MICU2: variants seen among roughly 807,000 people sequenced by gnomAD.
MICU2 encodes the protein calcium uptake protein 2, mitochondrial.
In MICU2, 64 loss-of-function variants were observed where a neutral mutation model predicts 60.4. The observed-to-expected ratio is 1.06, with a 90% CI of 0.87 to 1.31. The LOEUF (loss-of-function observed/expected upper bound fraction) is 1.31, where lower values mean the gene tolerates loss of function less well. Among genes scored for constraint, MICU2 ranks in the 50% most tolerant of loss-of-function variants. The probability of loss-of-function intolerance (pLI) is 0.00; values close to 1 mark genes in which losing one functional copy is unlikely to be tolerated. For missense variants in MICU2, 569 were observed against 531.0 expected (o/e 1.07, Z -0.70); for synonymous variants, 201 against 175.0 (o/e 1.15, Z -1.17).
intron 8 of MICU2, among the ~76,000 whole-genome samples, chr13:21,507,606 A>ATT (rs111726011): frequency 1.7e-4 from 24 of 142,018 alleles, no homozygotes; most frequent in Middle Eastern, 3.8e-3. Context: ...AGAAACTTAG[A>ATT]TTTTTTTTTT....
At chr13:21,528,417 C>T (rs867395660) in intron 4 of MICU2, among the ~76,000 whole-genome samples, 3 of 152,254 alleles carry the variant, frequency 2.0e-5, no homozygotes, top group Middle Eastern at 3.4e-3. Flanking sequence ...CATGTCAACT[C>T]ATGTATTTCA....
At chr13:21,580,060 A>G (rs1004699418) in intron 1 of MICU2, among the ~76,000 whole-genome samples, 5 of 152,220 alleles carry the variant, frequency 3.3e-5, no homozygotes, top group South Asian at 4.1e-4. Context: ...TACTAGAACC[A>G]GGGTCACTTT....
At chr13:21,555,970 T>C (rs921746117) in intron 2 of MICU2, among the ~76,000 whole-genome samples, 35 of 152,168 alleles carry the variant, frequency 2.3e-4, no homozygotes, top group Non-Finnish European at 4.7e-4. Context: ...TTAGAAATTT[T>C]TCATTCTTCC....
In MICU2 at chr13:21,557,100, G is replaced by A. The variant is rs141262160; in HGVS notation, c.358+9697C>T. ...GGAACAGAGAGCTTGGGAATGATGG[G>A]ATAGTTGAGACTAGAAGCTTTTATT... On this transcript the variant is annotated intron_variant, in intron 2 of 11. Coordinates refer to ENST00000382374, the MANE Select transcript of MICU2 (RefSeq NM_152726.3). Among the ~76,000 whole-genome samples, 322 of 152,310 alleles carry A rather than the reference G, an allele frequency of 2.1e-3. 1 individual carries two copies. Among genetic ancestry groups the A allele is most frequent in the African/African-American group, 7.5e-3 (312 of 41,564 alleles).
intron 4 of MICU2, among the ~76,000 whole-genome samples, chr13:21,536,308 A>G (rs1887128941): frequency 6.6e-6 from 1 of 151,450 alleles, no homozygotes. Context: ...GGAGTGTTAT[A>G]TGATAAACTT....
rs151018959 is a variant in MICU2 at position 21,599,330 on chromosome 13, A to C, written c.210+4609T>G. ...ATTTCAAAAAATGTATCAAGGCTTA[A>C]GAATGAAGCTATCCTTTTATAGCAG... On this transcript the variant is annotated intron_variant, in intron 1 of 11. Coordinates refer to ENST00000382374, the MANE Select transcript of MICU2 (RefSeq NM_152726.3). Among the ~76,000 whole-genome samples, 529 of 152,388 alleles carry C rather than the reference A, an allele frequency of 3.5e-3. 5 individuals are homozygous for C. Among genetic ancestry groups the C allele is most frequent in the African/African-American group, 0.012 (503 of 41,602 alleles).
In MICU2 at chr13:21,549,173, C is replaced by T. The variant is rs932017584; in HGVS notation, c.359-9485G>A. 5.9e-5 allele frequency among the ~76,000 whole-genome samples: 9 copies of T among 152,210 alleles called. No individual in the cohort carries two copies. In the South Asian group the frequency reaches 6.2e-4, roughly 11 times the overall value. On this transcript the variant is annotated intron_variant, in intron 2 of 11. Transcript: ENST00000382374. ...CTTGATCTCCTGACCTCGTGATCCG[C>T]CCGCCTTGGCCTCCCAACGTGCTGG...
intron 1 of MICU2, among the ~76,000 whole-genome samples, chr13:21,585,907 T>G (rs1460302643): frequency 6.6e-6 from 1 of 152,226 alleles, no homozygotes; most frequent in Non-Finnish European, 1.5e-5. Flanking sequence ...AACCATCTAG[T>G]ATTCTCTATT....
rs377273772 is a variant in MICU2 at position 21,545,467 on chromosome 13, G to A, written c.359-5779C>T. On this transcript the variant is annotated intron_variant, in intron 2 of 11. Coordinates refer to ENST00000382374, the MANE Select transcript of MICU2 (RefSeq NM_152726.3). The stretch of plus-strand genomic sequence containing the variant: ...AGGCCGAGGCGGACAGATCACCTGA[G>A]GTTAGGAGTTCGAGACCAGCCTGAC... Among the ~76,000 whole-genome samples the A allele has an allele frequency of 6.6e-5, 10 of 152,336 alleles. No homozygotes were observed. The East Asian group carries it at 7.7e-4, about 12-fold the overall frequency.
chr13:21,590,467 A>AAT (rs1158455693), intron 1 of MICU2, among the ~76,000 whole-genome samples: 1 of 152,362 alleles, frequency 6.6e-6, no homozygotes, highest in East Asian at 1.9e-4. Context: ...ATCTTGTTTA[A>AAT]AAATAAATCT....
chr13:21,532,971 G>C (rs917002456), intron 4 of MICU2, among the ~76,000 whole-genome samples: 1 of 152,152 alleles, frequency 6.6e-6, no homozygotes, highest in Admixed American at 6.5e-5. Context: ...AAACAAACTG[G>C]TGATGGGGTA....
At chr13:21,582,156 G>C (rs1042202936) in intron 1 of MICU2, among the ~76,000 whole-genome samples, 1 of 152,148 alleles carries the variant, frequency 6.6e-6, no homozygotes, top group Admixed American at 6.5e-5. Context: ...CAAGGAGACA[G>C]GGGCAAGGGC....
chr13:21,562,355 A>G (rs1887867245), intron 2 of MICU2, among the ~76,000 whole-genome samples: 1 of 152,192 alleles, frequency 6.6e-6, no homozygotes, highest in South Asian at 2.1e-4. Context: ...TATAAACCAC[A>G]TGCATAAAAT....
chr13:21,604,063 A>C lies in MICU2; in HGVS notation c.86T>G (p.Val29Gly). The change falls in exon 1 of 12, where the codon GTG (valine) becomes GGG (glycine). Residue 29 changes from valine to glycine, a missense_variant. Val to Gly is a moderately radical substitution (Grantham distance 109). Coordinates refer to ENST00000382374, the MANE Select transcript of MICU2 (RefSeq NM_152726.3). ...CGCTGCCAAGGGGCCGGGACTCCGCACAGCCTGTCGGCTGACAGCGAGCCC... is the reference window on the plus strand; with the variant it reads ...CGCTGCCAAGGGGCCGGGACTCCGCCCAGCCTGTCGGCTGACAGCGAGCCC... ...RRGLAVSRQA[V>G]RSPGPLAAAV... 1 of 1,603,218 alleles carries C rather than the reference A, an allele frequency of 6.2e-7. No individual in the cohort carries two copies. Among genetic ancestry groups the C allele is most frequent in the Non-Finnish European group, 8.5e-7 (1 of 1,176,134 alleles).
chr13:21,579,343 CT>C (rs11372645), intron 1 of MICU2, among the ~76,000 whole-genome samples: 53 of 141,350 alleles, frequency 3.7e-4, no homozygotes, highest in Non-Finnish European at 4.4e-4. Context: ...AAAGCTCTGC[CT>C]TTTTTTTTTT....
chr13:21,531,001 A>C, intron 4 of MICU2: 1 of 801,614 alleles, frequency 1.2e-6, no homozygotes, highest in Non-Finnish European at 2.3e-6. Flanking sequence ...CTAGTACCAC[A>C]TAATGAAAGT....
At chr13:21,565,449 G>A (rs1032453040) in intron 2 of MICU2, among the ~76,000 whole-genome samples, 2 of 151,998 alleles carry the variant, frequency 1.3e-5, no homozygotes, top group African/African-American at 2.4e-5. Context: ...CGAGATCAGG[G>A]GATTGAGACC....
intron 8 of MICU2, among the ~76,000 whole-genome samples, chr13:21,505,140 A>G (rs1593315585): frequency 6.6e-6 from 1 of 152,192 alleles, no homozygotes; most frequent in African/African-American, 2.4e-5. Flanking sequence ...TTTCAGTTTA[A>G]AAAATTCATT....
chr13:21,493,068 T>C lies in MICU2; in HGVS notation c.*181A>G, dbSNP rs1473703680. 1 of 436,654 alleles carries C rather than the reference T, an allele frequency of 2.3e-6. No individual in the cohort carries two copies. Among genetic ancestry groups the C allele is most frequent in the East Asian group, 3.9e-5 (1 of 25,772 alleles). 27.0% of individuals were successfully genotyped at this position (436,654 alleles called of 1,614,324 possible). ...TGACAGAATCCAATATCTATTTTTA[T>C]ACTTACTTTTCTTTCTACTAAGTTC... On this transcript the variant is annotated 3_prime_UTR_variant, in exon 12 of 12. Transcript: ENST00000382374.
Sources: gnomAD v4.1 joint callset for allele counts (sites outside exome capture counted in the v4.1 genomes callset) on GRCh38, gnomAD v4.1.1 for gene constraint, MANE v1.5 for transcripts, NCBI Gene and HGNC (gene_info 2026-07-23, HGNC 2026-07-21) for gene names.